Variants in HIF1AN observed in about 807,000 individuals in gnomAD.
HIF1AN encodes hypoxia-inducible factor 1-alpha inhibitor.
Under a neutral mutation model 47.7 loss-of-function variants are expected in HIF1AN, and 21 were observed. The ratio of observed to expected loss-of-function variants is 0.44; its 90% CI spans 0.31 to 0.63. HIF1AN has a LOEUF of 0.63. HIF1AN is among the 30% of genes least tolerant of loss of function. The pLI is 0.07. For missense variants in HIF1AN, 320 were observed against 432.7 expected (o/e 0.74, Z 2.31); for synonymous variants, 152 against 155.9 (o/e 0.98, Z 0.18).
At chr10:100,537,744 C>T (rs974306463) in intron 2 of HIF1AN, among the ~76,000 whole-genome samples, 8 of 152,246 alleles carry the variant, frequency 5.3e-5, no homozygotes, top group Non-Finnish European at 1.0e-4. Flanking sequence ...GGGTTTCTCT[C>T]TAGTCTCTTG....
rs1843175676 is a variant in HIF1AN at position 100,552,673 on chromosome 10, A to T, written c.*4536A>T. On this transcript the variant is annotated 3_prime_UTR_variant, in exon 8 of 8. Coordinates refer to ENST00000299163, the MANE Select transcript of HIF1AN (RefSeq NM_017902.3). ...TCCTTACCAAGACCCTTTTTCCTAAACAGTTGTCCTTCCCTCAGAAACTCC... is the reference window on the plus strand; with the variant it reads ...TCCTTACCAAGACCCTTTTTCCTAATCAGTTGTCCTTCCCTCAGAAACTCC... 6.6e-6 allele frequency: 1 copy of T among 152,212 alleles called. No individual in the cohort carries two copies. Among genetic ancestry groups the T allele is most frequent in the Non-Finnish European group, 1.5e-5 (1 of 68,174 alleles). 9.4% of individuals were successfully genotyped at this position (152,212 alleles called of 1,614,324 possible).
chr10:100,541,296 C>T (rs1434391035), intron 3 of HIF1AN, among the ~76,000 whole-genome samples: 2 of 152,052 alleles, frequency 1.3e-5, no homozygotes, highest in African/African-American at 4.8e-5. Flanking sequence ...GAGGCCAAGG[C>T]AGGAGGATTG....
At chr10:100,537,817 A>G (rs913742200) in intron 2 of HIF1AN, among the ~76,000 whole-genome samples, 1 of 152,240 alleles carries the variant, frequency 6.6e-6, no homozygotes, top group Non-Finnish European at 1.5e-5. Context: ...TGGATTTGAA[A>G]TATCTTTTTT....
rs369179418 is a variant in HIF1AN, at chr10:100,536,572, C to A, written c.339C>A (p.Asn113Lys). The change falls in exon 2 of 8, where the codon AAC becomes AAA. Residue 113 changes from asparagine to lysine, a missense_variant. Asn to Lys is a moderately conservative substitution (Grantham distance 94). Around this residue, in one of 2 missense-constraint regions of HIF1AN, gnomAD observed 159 missense variants for 159.9 expected, o/e 0.99. Coordinates refer to ENST00000299163, the MANE Select transcript of HIF1AN (RefSeq NM_017902.3). ...YDEKKMANFQ[N>K]FKPRSNREEM... is the part of the protein sequence containing the mutation. ...AGAAGAAGATGGCCAATTTCCAGAA[C>A]TTTAAGCCGAGGTCCAACAGGGAAG... is the stretch of plus-strand genomic sequence containing the variant. 5 of 1,614,060 alleles carry A rather than the reference C, an allele frequency of 3.1e-6. No homozygotes were observed. In the African/African-American group the frequency reaches 5.3e-5, roughly 17 times the overall value.
intron 3 of HIF1AN, among the ~76,000 whole-genome samples, chr10:100,541,283 T>A (rs1167332728): frequency 1.3e-5 from 2 of 152,152 alleles, no homozygotes; most frequent in African/African-American, 4.8e-5. Context: ...CCCAGCACTT[T>A]GGGAGGCCAA....
At position 100,545,036 on chromosome 10, in the gene HIF1AN, G is replaced by C; in HGVS notation, c.663G>C (p.Pro221=). 2 of 1,614,164 alleles carry C rather than the reference G, an allele frequency of 1.2e-6. No individual in the cohort carries two copies. Among genetic ancestry groups the C allele is most frequent in the Non-Finnish European group, 1.7e-6 (2 of 1,180,024 alleles). ...KGYKRCILFP[P]DQFECLYPYP... is the part of the protein sequence containing the mutation. ...ACAAACGATGCATCTTATTCCCTCC[G>C]GATCAGTTCGAGTGCCTCTACCCAT... The change falls in exon 4 of 8, where the codon CCG becomes CCC. Residue 221 remains proline (P), a synonymous_variant. Transcript: ENST00000299163.
intron 3 of HIF1AN, among the ~76,000 whole-genome samples, chr10:100,543,493 G>T (rs1328431606): frequency 6.6e-6 from 1 of 152,078 alleles, no homozygotes; most frequent in South Asian, 2.1e-4. Flanking sequence ...GATTACAGAC[G>T]TGAGCCACTG....
chr10:100,546,744 T>A (rs1417487938), intron 6 of HIF1AN, among the ~76,000 whole-genome samples, 163 bp downstream of exon 6: 3 of 152,082 alleles, frequency 2.0e-5, no homozygotes, highest in Admixed American at 6.6e-5. Context: ...TTCTTTTTTT[T>A]AAATATATTT....
At chr10:100,544,756 A>G (rs1398200322) in intron 3 of HIF1AN, among the ~76,000 whole-genome samples, 195 bp from the exon 4 acceptor site, 1 of 152,198 alleles carries the variant, frequency 6.6e-6, no homozygotes, top group African/African-American at 2.4e-5. Context: ...GATGTTTGCT[A>G]GAGTTATTAC....
intron 7 of HIF1AN, among the ~76,000 whole-genome samples, 162 bp from the exon 8 acceptor site, chr10:100,547,931 T>A (rs1164344974): frequency 6.6e-6 from 1 of 152,212 alleles, no homozygotes; most frequent in Non-Finnish European, 1.5e-5. Context: ...CCCAGAATAC[T>A]GGGTTGACCT....
Position 100,551,362 on chromosome 10 carries a change from C to G in HIF1AN, c.*3225C>G, listed in dbSNP as rs576310406. On this transcript the variant is annotated 3_prime_UTR_variant, in exon 8 of 8. Transcript: ENST00000299163. Reference sequence around the variant, plus strand: ...GGAATGAGCGATCATTAATCTGAATCTGTTAGGAGACAGAGAGGGGAAGGA... The same window carrying G: ...GGAATGAGCGATCATTAATCTGAATGTGTTAGGAGACAGAGAGGGGAAGGA... 6.6e-6 allele frequency: 1 copy of G among 152,380 alleles called. No individual in the cohort carries two copies. The highest frequency in any genetic ancestry group is 2.1e-4 in the South Asian group (1 of 4,824). 9.4% of individuals were successfully genotyped at this position (152,380 alleles called of 1,614,324 possible). A position where few individuals can be genotyped will look rare whatever the true frequency, so the allele number is the denominator to read the frequency against.
At chr10:100,543,862 C>T (rs758605489) in intron 3 of HIF1AN, among the ~76,000 whole-genome samples, 5 of 152,350 alleles carry the variant, frequency 3.3e-5, no homozygotes, top group African/African-American at 9.6e-5. Flanking sequence ...TGAGCCGCTG[C>T]GCCCGGCAGT....
rs1157618379 is a variant in HIF1AN, at chr10:100,550,725, G to C, written c.*2588G>C. On this transcript the variant is annotated 3_prime_UTR_variant, in exon 8 of 8. Transcript: ENST00000299163. ...GAAGCTGTGGGGGGAACTGAGTTCTGTGTCTAATTGCATTACTTATGTGTC... is the reference window on the plus strand; with the variant it reads ...GAAGCTGTGGGGGGAACTGAGTTCTCTGTCTAATTGCATTACTTATGTGTC... 6.6e-6 allele frequency: 1 copy of C among 152,190 alleles called. No homozygotes were observed. Among genetic ancestry groups the C allele is most frequent in the African/African-American group, 2.4e-5 (1 of 41,434 alleles). The allele number at this position is 152,190 out of a possible 1,614,324, so 9.4% of individuals were successfully genotyped here.
intron 1 of HIF1AN, 42 bp downstream of exon 1, chr10:100,536,177 C>T (rs1353983860): frequency 6.5e-7 from 1 of 1,544,812 alleles, no homozygotes; most frequent in Non-Finnish European, 8.8e-7. Context: ...GAGGAAGGTA[C>T]CCGGTTGAGA....
In HIF1AN at chr10:100,535,977, G is replaced by C. The variant is rs776463635; in HGVS notation, c.19G>C (p.Glu7Gln). 38 of 1,554,030 alleles carry C rather than the reference G, an allele frequency of 2.4e-5. No individual in the cohort carries two copies. Among genetic ancestry groups the C allele is most frequent in the Non-Finnish European group, 3.0e-5 (34 of 1,150,340 alleles). The change falls in exon 1 of 8, where the codon GAG becomes CAG. Residue 7 changes from glutamate (E) to glutamine (Q), a missense_variant. Glu to Gln is a conservative substitution (Grantham distance 29). Coordinates refer to ENST00000299163, the MANE Select transcript of HIF1AN (RefSeq NM_017902.3). MAATAA[E>Q]AVASGSGEPR... ...GGCGGAGATGGCGGCGACAGCGGCG[G>C]AGGCTGTGGCCTCTGGCTCTGGAGA...
intron 7 of HIF1AN, 127 bp downstream of exon 7, chr10:100,547,377 A>T (rs1019100872): frequency 1.6e-6 from 1 of 608,556 alleles, no homozygotes; most frequent in Non-Finnish European, 2.9e-6. Context: ...GGTTATGGGT[A>T]TGTTCAGAAA....
rs77265110 is a variant in HIF1AN at position 100,539,516 on chromosome 10, A to G, written c.429-1118A>G. Among the ~76,000 whole-genome samples the G allele has an allele frequency of 8.2e-3, 1,250 of 152,358 alleles. 18 individuals are homozygous for G. Among genetic ancestry groups the G allele is most frequent in the African/African-American group, 0.027 (1,124 of 41,584 alleles). ...CAAGCCAGAGCTCGGGCTAGAAACA[A>G]CAGAGGCTTATTTCTCACTTACTAC... On this transcript the variant is annotated intron_variant, in intron 2 of 7. Transcript: ENST00000299163.
At chr10:100,542,439 C>T (rs1471658217) in intron 3 of HIF1AN, among the ~76,000 whole-genome samples, 6 of 152,104 alleles carry the variant, frequency 3.9e-5, no homozygotes, top group South Asian at 2.1e-4. Flanking sequence ...CTACAAGCTC[C>T]GCCTCCCAGG....
chr10:100,546,589 T>C lies in HIF1AN; in HGVS notation c.894+8T>C. Reference sequence around the variant, plus strand: ...GTGAACTTCTGGTATAAGGTGAATATGGTTTGCTTTTTTTGTTTTTTCCAG... The same window carrying C: ...GTGAACTTCTGGTATAAGGTGAATACGGTTTGCTTTTTTTGTTTTTTCCAG... On this transcript the variant is annotated splice_region_variant and intron_variant, in intron 6 of 7. Transcript: ENST00000299163. 1.2e-6 allele frequency: 2 copies of C among 1,612,298 alleles called. No individual in the cohort carries two copies. The highest frequency in any genetic ancestry group is 1.1e-5 in the South Asian group (1 of 91,006).
Sources: gnomAD v4.1 joint callset for allele counts (sites outside exome capture counted in the v4.1 genomes callset) on GRCh38, gnomAD v4.1.1 for gene constraint, gnomAD v4.1.1 regional missense constraint, MANE v1.5 for transcripts, NCBI Gene and HGNC (gene_info 2026-07-23, HGNC 2026-07-21) for gene names.